ZNF462: variants seen among roughly 807,000 people sequenced by gnomAD.
The protein encoded by ZNF462 is zinc finger protein 462, also known as zinc finger PBX1-interacting protein.
Under a neutral mutation model 201.9 loss-of-function variants are expected in ZNF462, and 10 were observed. That is an observed-to-expected ratio of 0.05 (90% CI 0.03 to 0.08). ZNF462 has a LOEUF of 0.08. Among genes scored for constraint, ZNF462 ranks in the 10% least tolerant of loss-of-function variants. The probability of loss-of-function intolerance (pLI) is 1.00; values close to 1 mark genes in which losing one functional copy is unlikely to be tolerated. For synonymous variants in ZNF462, 1,227 were observed against 1,193.3 expected (o/e 1.03, Z -0.58); for missense variants, 2,523 against 3,168.3 (o/e 0.80, Z 4.89).
intron 7 of ZNF462, among the ~76,000 whole-genome samples, chr9:106,945,498 GGT>G (rs149346427): frequency 0.022 from 3,372 of 152,232 alleles, 60 homozygotes; most frequent in Non-Finnish European, 0.033. Context: ...GAAAAAATGA[GGT>G]GGTTTCTTTA....
In ZNF462 at chr9:106,929,344, A is replaced by G; in HGVS notation, c.5432A>G (p.Tyr1811Cys). Residue 1811 changes from tyrosine (Y) to cysteine (C), a missense_variant, in exon 3 of 13, where the codon TAT becomes TGT. By Grantham distance (194) the Tyr-to-Cys change is radical. Around this residue, in one of 15 missense-constraint regions of ZNF462, gnomAD observed 207 missense variants for 231.6 expected, o/e 0.89. Coordinates refer to ENST00000277225, the MANE Select transcript of ZNF462 (RefSeq NM_021224.6). The surrounding 1 kb of genome is among the most constrained non-coding windows in gnomAD (Gnocchi z 8.7). Reference protein sequence around the residue: ...SKLGGYFTAVYADEHEKPTLM... With the variant: ...SKLGGYFTAVCADEHEKPTLM... ...TTGGGGGGCTACTTCACGGCCGTCT[A>G]TGCAGATGAGCATGAGAAGCCCACA... The G allele has an allele frequency of 1.2e-6, 2 of 1,614,190 alleles. No homozygotes were observed. The highest frequency in any genetic ancestry group is 1.7e-6 in the Non-Finnish European group (2 of 1,180,044).
Position 106,926,112 on chromosome 9 carries a change from A to T in ZNF462, c.2200A>T (p.Ile734Leu). The change falls in exon 3 of 13, where the codon ATA (isoleucine) becomes TTA (leucine). Residue 734 changes from isoleucine to leucine, a missense_variant. By Grantham distance (5) the Ile-to-Leu change is conservative. Around this residue, in one of 15 missense-constraint regions of ZNF462, gnomAD observed 383 missense variants for 453.4 expected, o/e 0.84. Transcript: ENST00000277225. This position sits in a 1 kb window ranked among gnomAD's most constrained non-coding sequence, Gnocchi z 7.9. ...GGAAGAGGAAGACAACGAAGTCGAG[A>T]TAGAGGTTGAGTTGGACAGGGAGGA... ...EEEEEDNEVE[I>L]EVELDREEEP... is the part of the protein sequence containing the mutation. 1 of 1,614,184 alleles carries T rather than the reference A, an allele frequency of 6.2e-7. No individual in the cohort carries two copies. The highest frequency in any genetic ancestry group is 8.5e-7 in the Non-Finnish European group (1 of 1,180,026).
intron 7 of ZNF462, among the ~76,000 whole-genome samples, chr9:106,948,206 G>T (rs911843481): frequency 6.6e-6 from 1 of 152,110 alleles, no homozygotes; most frequent in Non-Finnish European, 1.5e-5. Flanking sequence ...GTGTGGTGAG[G>T]TTAGTGGAAG....
chr9:106,983,991 A>G (rs1267633125), intron 9 of ZNF462, among the ~76,000 whole-genome samples, 195 bp from the exon 10 acceptor site: 1 of 152,202 alleles, frequency 6.6e-6, no homozygotes, highest in Admixed American at 6.5e-5. Context: ...TTTGGTCTTA[A>G]AAACACCCAC....
intron 1 of ZNF462, among the ~76,000 whole-genome samples, chr9:106,901,033 G>A (rs1457594613): frequency 6.6e-6 from 1 of 152,152 alleles, no homozygotes; most frequent in Non-Finnish European, 1.5e-5. Context: ...TTAGATTTAA[G>A]TCTTTAATCC....
intron 7 of ZNF462, among the ~76,000 whole-genome samples, chr9:106,949,286 C>T (rs1359018243): frequency 1.3e-5 from 2 of 152,174 alleles, no homozygotes; most frequent in Admixed American, 1.3e-4. Context: ...TTCTAGAGCC[C>T]TAGCACTGGG....
chr9:106,984,472 C>A lies in ZNF462; in HGVS notation c.7056+63C>A. The A allele has an allele frequency of 7.5e-7, 1 of 1,338,514 alleles. No homozygotes were observed. Among genetic ancestry groups the A allele is most frequent in the Non-Finnish European group, 1.0e-6 (1 of 960,976 alleles). The allele number at this position is 1,338,514 out of a possible 1,614,324, so 82.9% of individuals were successfully genotyped here. ...TTGTGGGGAGGGGCCAAGGGGGAGACACCACTGCATTTAGTCACGACCACT... is the reference window on the plus strand; with the variant it reads ...TTGTGGGGAGGGGCCAAGGGGGAGAAACCACTGCATTTAGTCACGACCACT... On this transcript the variant is annotated intron_variant, in intron 10 of 12. Transcript: ENST00000277225. This position sits in a 1 kb window ranked among gnomAD's most constrained non-coding sequence, Gnocchi z 6.4.
chr9:106,867,385 A>G (rs568947769), intron 1 of ZNF462, among the ~76,000 whole-genome samples: 1 of 152,332 alleles, frequency 6.6e-6, no homozygotes, highest in South Asian at 2.1e-4. Flanking sequence ...GCTCTAATAT[A>G]TCACAGGGAG....
Position 106,885,460 on chromosome 9 carries a change from G to A in ZNF462, c.-31+22105G>A, listed in dbSNP as rs1828276422. Among the ~76,000 whole-genome samples, 1 of 152,192 alleles carries A rather than the reference G, an allele frequency of 6.6e-6. No homozygotes were observed. Among genetic ancestry groups the A allele is most frequent in the Non-Finnish European group, 1.5e-5 (1 of 68,032 alleles). On this transcript the variant is annotated intron_variant, in intron 1 of 12. Transcript: ENST00000277225. The surrounding 1 kb of genome is among the most constrained non-coding windows in gnomAD (Gnocchi z 4.1). ...CCAAGAACCTGTGGTTCTTGGTTGT[G>A]TCCTTGCCATGCTTAGAAGGTTCAA...
chr9:106,927,485 G>A lies in ZNF462; in HGVS notation c.3573G>A (p.Glu1191=). 6.2e-7 allele frequency: 1 copy of A among 1,613,804 alleles called. No homozygotes were observed. Among genetic ancestry groups the A allele is most frequent in the Non-Finnish European group, 8.5e-7 (1 of 1,179,980 alleles). The change falls in exon 3 of 13, where the codon GAG becomes GAA. Residue 1191 remains glutamate (E), a synonymous_variant. Coordinates refer to ENST00000277225, the MANE Select transcript of ZNF462 (RefSeq NM_021224.6). ...SERDGPPVEN[E]MFFCQHCDYG... is the part of the protein sequence containing the mutation. ...GAGATGGCCCTCCTGTGGAGAATGA[G>A]ATGTTCTTTTGCCAGCACTGTGATT...
chr9:106,927,647 C>T lies in ZNF462; in HGVS notation c.3735C>T (p.Ala1245=), dbSNP rs1830254117. Residue 1245 remains alanine (A), a synonymous_variant, in exon 3 of 13, where the codon GCC becomes GCT. Coordinates refer to ENST00000277225, the MANE Select transcript of ZNF462 (RefSeq NM_021224.6). ...GCGACCGAAATCAGAAGAAGCCTGCCAGCTGCGTGCTTGTCTCCCCCTCTA... is the reference window on the plus strand; with the variant it reads ...GCGACCGAAATCAGAAGAAGCCTGCTAGCTGCGTGCTTGTCTCCCCCTCTA... ...SLCDRNQKKP[A]SCVLVSPSNL... The T allele has an allele frequency of 6.2e-7, 1 of 1,614,028 alleles. No individual in the cohort carries two copies.
intron 7 of ZNF462, among the ~76,000 whole-genome samples, chr9:106,952,760 G>A (rs1261834357): frequency 6.6e-6 from 1 of 152,164 alleles, no homozygotes; most frequent in African/African-American, 2.4e-5. Context: ...TACTGATTGA[G>A]TACTTTGTAA....
rs1830078554 is a variant in ZNF462 at position 106,923,764 on chromosome 9, C to T, written c.220+161C>T. 6.6e-6 allele frequency among the ~76,000 whole-genome samples: 1 copy of T among 152,094 alleles called. No homozygotes were observed. On this transcript the variant is annotated intron_variant, in intron 2 of 12. Transcript: ENST00000277225. This position sits in a 1 kb window ranked among gnomAD's most constrained non-coding sequence, Gnocchi z 5.6. Reference sequence around the variant, plus strand: ...GCATCATGTATCTCTCCTTGAGTACCTTAGGTTTTATCCTTTCGAAAGCTT... The same window carrying T: ...GCATCATGTATCTCTCCTTGAGTACTTTAGGTTTTATCCTTTCGAAAGCTT...
rs530048951 is a variant in ZNF462 at position 106,958,844 on chromosome 9, T to C, written c.6428-13161T>C. Among the ~76,000 whole-genome samples, 38 of 151,768 alleles carry C rather than the reference T, an allele frequency of 2.5e-4. No homozygotes were observed. In the South Asian group the frequency reaches 7.5e-3, roughly 30 times the overall value. On this transcript the variant is annotated intron_variant, in intron 7 of 12. Transcript: ENST00000277225. ...AGGGTAGAAAGGATGGGAGTTGGAG[T>C]GTCAGGTAAGGTGGTTGGGGAGGGC...
At chr9:106,882,490 G>T (rs1828142170) in intron 1 of ZNF462, among the ~76,000 whole-genome samples, 1 of 152,142 alleles carries the variant, frequency 6.6e-6, no homozygotes, top group Non-Finnish European at 1.5e-5. Context: ...CTCAATCAAA[G>T]AAAACTACCC....
At chr9:106,873,464 C>G (rs1371990408) in intron 1 of ZNF462, among the ~76,000 whole-genome samples, 1 of 151,844 alleles carries the variant, frequency 6.6e-6, no homozygotes, top group African/African-American at 2.4e-5. Flanking sequence ...TTCATAGGGC[C>G]CCTTTTGAAG....
chr9:106,974,366 C>T lies in ZNF462; in HGVS notation c.6832+93C>T. ...TGCTCTCTCAGAGTGGCAGTAGCAC[C>T]TGTGCCTTGTTCCTCACCTTATCTT... On this transcript the variant is annotated intron_variant, in intron 9 of 12. Transcript: ENST00000277225. This position sits in a 1 kb window ranked among gnomAD's most constrained non-coding sequence, Gnocchi z 4.0. 6.4e-7 allele frequency: 1 copy of T among 1,573,766 alleles called. No homozygotes were observed. The highest frequency in any genetic ancestry group is 8.7e-7 in the Non-Finnish European group (1 of 1,143,930).
chr9:106,952,464 C>T (rs1052340763), intron 7 of ZNF462, among the ~76,000 whole-genome samples: 1 of 152,142 alleles, frequency 6.6e-6, no homozygotes. Context: ...TCACATCTAG[C>T]CTCAAGCTGA....
In ZNF462 at chr9:106,932,319, C is replaced by T. The variant is rs564428856; in HGVS notation, c.6013-127C>T. 56 of 1,555,742 alleles carry T rather than the reference C, an allele frequency of 3.6e-5. No homozygotes were observed. Among genetic ancestry groups the T allele is most frequent in the South Asian group, 2.1e-4 (18 of 84,664 alleles). ...TGGATGGATTGGAAGCAGCCAAAGA[C>T]GCCAGTGGCGCCCTGGTGGGCCGGG... On this transcript the variant is annotated intron_variant, in intron 4 of 12. Coordinates refer to ENST00000277225, the MANE Select transcript of ZNF462 (RefSeq NM_021224.6). The surrounding 1 kb of genome is among the most constrained non-coding windows in gnomAD (Gnocchi z 6.8).
Sources: gnomAD v4.1 joint callset for allele counts (sites outside exome capture counted in the v4.1 genomes callset) on GRCh38, gnomAD v4.1.1 for gene constraint, gnomAD v4.1.1 regional missense constraint, Gnocchi (gnomAD v3.1) non-coding constraint, MANE v1.5 for transcripts, NCBI Gene and HGNC (gene_info 2026-07-23, HGNC 2026-07-21) for gene names.